ATOX1: variants seen among roughly 807,000 people sequenced by gnomAD.
The protein encoded by ATOX1 is antioxidant 1 copper chaperone.
ATOX1 carries 4 observed loss-of-function variants against 7.3 expected under a neutral mutation model. The ratio of observed to expected loss-of-function variants is 0.55; its 90% CI spans 0.27 to 1.25. The LOEUF (loss-of-function observed/expected upper bound fraction) is 1.25, where lower values mean the gene tolerates loss of function less well. Among genes scored for constraint, ATOX1 ranks in the 50% most tolerant of loss-of-function variants. ATOX1 has a pLI of 0.12. For synonymous variants in ATOX1, 25 were observed against 28.7 expected (o/e 0.87, Z 0.41); for missense variants, 68 against 81.6 (o/e 0.83, Z 0.64).
intron 2 of ATOX1, chr5:151,746,686 T>A (rs758011424): frequency 3.2e-5 from 13 of 411,660 alleles, no homozygotes; most frequent in Non-Finnish European, 5.4e-5. Flanking sequence ...TTCCTGAACA[T>A]ACAAAAACAG....
rs535615249 is a variant in ATOX1 at position 151,758,561 on chromosome 5, AGCGGCGGTGTG to A, written c.-21_-11del. The A allele has an allele frequency of 9.0e-4, 1,289 of 1,427,150 alleles. 1 individual carries two copies. The highest frequency in any genetic ancestry group is 2.0e-3 in the East Asian group (71 of 35,832). The allele number at this position is 1,427,150 out of a possible 1,614,324, so 88.4% of individuals were successfully genotyped here. A position where few individuals can be genotyped will look rare whatever the true frequency, so the allele number is the denominator to read the frequency against. ...AACCACTCACCGGCATGACTGAGGC[AGCGGCGGTGTG>A]GCGGCGGTGTGGCGGCGGTGTCAGC... is the stretch of plus-strand genomic sequence containing the variant. On this transcript the variant is annotated 5_prime_UTR_variant, in exon 1 of 4. Transcript: ENST00000313115.
chr5:151,749,639 G>C (rs1170804605), intron 2 of ATOX1, among the ~76,000 whole-genome samples: 1 of 147,926 alleles, frequency 6.8e-6, no homozygotes, highest in Non-Finnish European at 1.5e-5. Flanking sequence ...TCTAGCCTGG[G>C]TGAAAGAGCA....
At chr5:151,750,236 CTGAT>C (rs1761930227) in intron 2 of ATOX1, among the ~76,000 whole-genome samples, 1 of 152,272 alleles carries the variant, frequency 6.6e-6, no homozygotes, top group East Asian at 1.9e-4. Context: ...CTGGATGAGA[CTGAT>C]TGTTCAAAAG....
rs796240151 is a variant in ATOX1 at position 151,750,644 on chromosome 5, C to T, written c.82+1060G>A. ...TTTTAAATCTTTCCTTTTTTTCTTTCTTTTTTTTTTTTTTTTTTTGGAGAC... is the reference window on the plus strand; with the variant it reads ...TTTTAAATCTTTCCTTTTTTTCTTTTTTTTTTTTTTTTTTTTTTTGGAGAC... On this transcript the variant is annotated intron_variant, in intron 2 of 3. Transcript: ENST00000313115. 3.7e-3 allele frequency among the ~76,000 whole-genome samples: 374 copies of T among 99,876 alleles called. 1 individual carries two copies. Among genetic ancestry groups the T allele is most frequent in the South Asian group, 4.6e-3 (14 of 3,012 alleles). 65.5% of individuals were successfully genotyped at this position (99,876 alleles called of 152,430 possible). A position where few individuals can be genotyped will look rare whatever the true frequency, so the allele number is the denominator to read the frequency against.
At chr5:151,757,210 C>T (rs1027463121) in intron 1 of ATOX1, among the ~76,000 whole-genome samples, 2 of 152,220 alleles carry the variant, frequency 1.3e-5, no homozygotes, top group African/African-American at 4.8e-5. Context: ...GTGCCCTCCT[C>T]ATTCCCATCA....
intron 2 of ATOX1, among the ~76,000 whole-genome samples, chr5:151,746,797 G>T (rs756801686): frequency 1.3e-5 from 2 of 151,770 alleles, no homozygotes; most frequent in Non-Finnish European, 2.9e-5. Flanking sequence ...GCAGTGGCAT[G>T]ATCTCAGCTC....
At chr5:151,755,293 A>G (rs1398450166) in intron 1 of ATOX1, among the ~76,000 whole-genome samples, 1 of 152,236 alleles carries the variant, frequency 6.6e-6, no homozygotes, top group Non-Finnish European at 1.5e-5. Flanking sequence ...ATCTTTGTAC[A>G]GTATCTAAGT....
chr5:151,753,118 C>T (rs1212401825), intron 1 of ATOX1, among the ~76,000 whole-genome samples: 1 of 152,132 alleles, frequency 6.6e-6, no homozygotes, highest in Non-Finnish European at 1.5e-5. Context: ...AGGAGAGGTC[C>T]ACAAAGTGAG....
intron 2 of ATOX1, 104 bp from the exon 3 acceptor site, chr5:151,746,553 C>T: frequency 2.7e-6 from 4 of 1,489,672 alleles, no homozygotes; most frequent in Non-Finnish European, 3.7e-6. Flanking sequence ...CCACCCTTGC[C>T]CTTTCCTCTA....
At chr5:151,755,013 A>G (rs1485084750) in intron 1 of ATOX1, among the ~76,000 whole-genome samples, 1 of 151,518 alleles carries the variant, frequency 6.6e-6, no homozygotes, top group Admixed American at 6.6e-5. Flanking sequence ...AAACACAAAA[A>G]CAAAAAACTA....
Position 151,758,577 on chromosome 5 carries a change from C to T in ATOX1, c.-26G>A, listed in dbSNP as rs780163947. 30 of 1,417,070 alleles carry T rather than the reference C, an allele frequency of 2.1e-5. No individual in the cohort carries two copies. Among genetic ancestry groups the T allele is most frequent in the Non-Finnish European group, 2.7e-5 (29 of 1,080,190 alleles). 87.8% of individuals were successfully genotyped at this position (1,417,070 alleles called of 1,614,324 possible). A position where few individuals can be genotyped will look rare whatever the true frequency, so the allele number is the denominator to read the frequency against. On this transcript the variant is annotated 5_prime_UTR_variant, in exon 1 of 4. Coordinates refer to ENST00000313115, the MANE Select transcript of ATOX1 (RefSeq NM_004045.4). ...GACTGAGGCAGCGGCGGTGTGGCGG[C>T]GGTGTGGCGGCGGTGTCAGCAGCGC...
chr5:151,745,104 T>A (rs1033394828), intron 3 of ATOX1: 1 of 152,346 alleles, frequency 6.6e-6, no homozygotes, highest in East Asian at 1.9e-4. Context: ...ATCTGACATC[T>A]TGTAACTTGC....
At chr5:151,750,615 C>CT (rs1220270358) in intron 2 of ATOX1, among the ~76,000 whole-genome samples, 1 of 144,004 alleles carries the variant, frequency 6.9e-6, no homozygotes, top group African/African-American at 2.6e-5. Context: ...AAATTTTTAC[C>CT]TTTTTTTAAA....
chr5:151,757,791 C>T lies in ATOX1; in HGVS notation c.6+755G>A, dbSNP rs1033220379. Among the ~76,000 whole-genome samples the T allele has an allele frequency of 5.9e-5, 9 of 152,228 alleles. No homozygotes were observed. The East Asian group carries it at 1.5e-3, about 26-fold the overall frequency. ...AATCCTGGCTCTGCCAACTTCAACA[C>T]GACCTGGAATAAGTTACTGGGCTTT... On this transcript the variant is annotated intron_variant, in intron 1 of 3. Transcript: ENST00000313115.
intron 1 of ATOX1, among the ~76,000 whole-genome samples, chr5:151,754,396 G>T (rs112755673): frequency 3.4e-4 from 52 of 152,050 alleles, no homozygotes; most frequent in African/African-American, 1.2e-3. Context: ...ATCACCTGAG[G>T]TCACAAGTTT....
At chr5:151,753,142 G>A (rs918331438) in intron 1 of ATOX1, among the ~76,000 whole-genome samples, 2 of 152,098 alleles carry the variant, frequency 1.3e-5, no homozygotes, top group African/African-American at 2.4e-5. Flanking sequence ...TTGAACCCTC[G>A]AGCTAACAAG....
At chr5:151,743,291 T>C (rs1761842715) in intron 3 of ATOX1, 1 of 152,216 alleles carries the variant, frequency 6.6e-6, no homozygotes, top group Non-Finnish European at 1.5e-5. Context: ...GCACTCTCTA[T>C]CCTGTTACAG....
intron 3 of ATOX1, chr5:151,744,230 G>C (rs1761854710): frequency 6.6e-6 from 1 of 152,144 alleles, no homozygotes; most frequent in Non-Finnish European, 1.5e-5. Flanking sequence ...ACTAGAGAGA[G>C]ATGGTGGTCA....
At chr5:151,744,843 C>T (rs1761863123) in intron 3 of ATOX1, 1 of 152,160 alleles carries the variant, frequency 6.6e-6, no homozygotes, top group Non-Finnish European at 1.5e-5. Flanking sequence ...TGTTTTACTT[C>T]CCTAGAGGAT....
Sources: gnomAD v4.1 joint callset for allele counts (sites outside exome capture counted in the v4.1 genomes callset) on GRCh38, gnomAD v4.1.1 for gene constraint, MANE v1.5 for transcripts, NCBI Gene and HGNC (gene_info 2026-07-23, HGNC 2026-07-21) for gene names.